Variants in FOXP1 observed in about 807,000 individuals in gnomAD.
FOXP1 encodes forkhead box P1, also known as forkhead box protein P1.
In FOXP1, 15 loss-of-function variants were observed where a neutral mutation model predicts 98.2. The ratio of observed to expected loss-of-function variants is 0.15; its 90% confidence interval spans 0.10 to 0.24. FOXP1 has a LOEUF of 0.24. Among genes scored for constraint, FOXP1 ranks in the 10% least tolerant of loss-of-function variants. The pLI is 1.00. For synonymous variants in FOXP1, 371 were observed against 314.5 expected, an observed-to-expected ratio of 1.18 and a Z score of -1.90; for missense variants, 633 against 848.5, an observed-to-expected ratio of 0.75 and a Z score of 3.15.
intron 5 of FOXP1, among the ~76,000 whole-genome samples, chr3:71,243,486 T>C (rs1246001782): frequency 6.6e-6 from 1 of 152,138 alleles, no homozygotes; most frequent in Admixed American, 6.5e-5. Flanking sequence ...GAACCCGAGA[T>C]TGCATTTGGA....
chr3:71,207,421 A>AATGT (rs1319627024), intron 5 of FOXP1, among the ~76,000 whole-genome samples: 30 of 152,316 alleles, frequency 2.0e-4, no homozygotes, highest in Admixed American at 5.2e-4. Context: ...GCATCATGGT[A>AATGT]ATGTAGTGAA....
intron 5 of FOXP1, among the ~76,000 whole-genome samples, chr3:71,263,314 C>T (rs1387037888): frequency 6.6e-6 from 1 of 152,162 alleles, no homozygotes; most frequent in African/African-American, 2.4e-5. Flanking sequence ...CGAGCCTGTG[C>T]AACACCACGA....
intron 8 of FOXP1, 25 bp downstream of exon 8, chr3:71,053,611 C>G (rs1012302237): frequency 6.2e-7 from 1 of 1,613,738 alleles, no homozygotes; most frequent in Non-Finnish European, 8.5e-7. Context: ...GGGAGACAGG[C>G]TGGAGGTGGA....
intron 14 of FOXP1, among the ~76,000 whole-genome samples, chr3:70,983,928 G>A (rs148193580): frequency 5.9e-5 from 9 of 152,258 alleles, no homozygotes; most frequent in African/African-American, 1.4e-4. Flanking sequence ...GAGTAAGCAC[G>A]GAGAAATTAA....
chr3:71,040,080 GGTGTGT>G (rs111790256), intron 11 of FOXP1, among the ~76,000 whole-genome samples: 9 of 147,830 alleles, frequency 6.1e-5, no homozygotes, highest in South Asian at 2.2e-4. Flanking sequence ...ACTTGAACAT[GGTGTGT>G]GTGTGTGTGT....
chr3:71,557,996 T>C (rs758343685), intron 2 of FOXP1, among the ~76,000 whole-genome samples: 2 of 152,158 alleles, frequency 1.3e-5, no homozygotes, highest in Non-Finnish European at 2.9e-5. Context: ...TTTGTATTTT[T>C]AGTAGAGACG....
At chr3:71,109,892 C>T (rs557245563) in intron 7 of FOXP1, among the ~76,000 whole-genome samples, 20 of 152,248 alleles carry the variant, frequency 1.3e-4, no homozygotes, top group African/African-American at 3.1e-4. Context: ...TTATTTCCCC[C>T]GGCCAAATCT....
At chr3:71,487,578 A>G (rs948444209) in intron 3 of FOXP1, among the ~76,000 whole-genome samples, 5 of 152,252 alleles carry the variant, frequency 3.3e-5, no homozygotes, top group Non-Finnish European at 5.9e-5. Flanking sequence ...TCAGTAAAGG[A>G]AAGAATATGA....
chr3:71,444,133 G>A (rs553020434), intron 3 of FOXP1, among the ~76,000 whole-genome samples: 62 of 152,236 alleles, frequency 4.1e-4, no homozygotes, highest in African/African-American at 1.4e-3. Flanking sequence ...TTCTGTTAAC[G>A]AACAGACTGG....
intron 2 of FOXP1, among the ~76,000 whole-genome samples, chr3:71,558,897 G>A (rs1255952925): frequency 6.7e-6 from 1 of 150,294 alleles, no homozygotes; most frequent in East Asian, 1.9e-4. Flanking sequence ...CTGCCTCCCG[G>A]GTTCAAGCAA....
chr3:71,503,531 G>A (rs759451458), intron 2 of FOXP1, among the ~76,000 whole-genome samples: 2 of 150,682 alleles, frequency 1.3e-5, no homozygotes, highest in African/African-American at 2.4e-5. Context: ...AACCCAGGAG[G>A]TGGAGGTTGC....
intron 5 of FOXP1, among the ~76,000 whole-genome samples, chr3:71,274,935 G>A (rs114941969): frequency 8.6e-4 from 131 of 152,278 alleles, no homozygotes; most frequent in Non-Finnish European, 1.6e-3. Flanking sequence ...CTAGAGCTAC[G>A]TTTAAATGCA....
intron 4 of FOXP1, among the ~76,000 whole-genome samples, chr3:71,316,514 G>A (rs17655548): frequency 0.19 from 29,050 of 152,028 alleles, 2,906 homozygotes; most frequent in Non-Finnish European, 0.21. Context: ...CGTGGGGCCC[G>A]GCAAGAGACA....
chr3:71,455,241 G>A (rs537360241), intron 3 of FOXP1, among the ~76,000 whole-genome samples: 4 of 152,012 alleles, frequency 2.6e-5, no homozygotes, highest in Admixed American at 6.6e-5. Context: ...CCCCCCCGCC[G>A]TCTGAAATAC....
intron 2 of FOXP1, among the ~76,000 whole-genome samples, chr3:71,520,467 C>T (rs1251297822): frequency 6.6e-6 from 1 of 152,130 alleles, no homozygotes; most frequent in African/African-American, 2.4e-5. Context: ...AACCACTTGG[C>T]GGCTCATTAG....
intron 7 of FOXP1, among the ~76,000 whole-genome samples, chr3:71,086,852 C>T: frequency 6.6e-6 from 1 of 152,202 alleles, no homozygotes; most frequent in Non-Finnish European, 1.5e-5. Context: ...GAATTACAGG[C>T]TACCTCTTCG....
chr3:71,149,865 A>C (rs2060489105), intron 6 of FOXP1, among the ~76,000 whole-genome samples: 1 of 152,218 alleles, frequency 6.6e-6, no homozygotes, highest in African/African-American at 2.4e-5. Context: ...AGGATTGGAA[A>C]TCATTTAGCA....
chr3:71,419,774 T>C (rs879786333), intron 3 of FOXP1, among the ~76,000 whole-genome samples: 1 of 152,144 alleles, frequency 6.6e-6, no homozygotes, highest in Non-Finnish European at 1.5e-5. Context: ...CACATACATA[T>C]ATGCACACAC....
chr3:71,551,258 T>C (rs1036218342), intron 2 of FOXP1, among the ~76,000 whole-genome samples: 3 of 152,182 alleles, frequency 2.0e-5, no homozygotes, highest in African/African-American at 7.2e-5. Context: ...CTATAAAATG[T>C]CAAGACATTT....
Sources: gnomAD v4.1 joint callset for allele counts (sites outside exome capture counted in the v4.1 genomes callset) on GRCh38, gnomAD v4.1.1 for gene constraint, MANE v1.5 for transcripts, NCBI Gene and HGNC (gene_info 2026-07-23, HGNC 2026-07-21) for gene names.